The following NRG3 variants were observed in gnomAD, a reference collection of about 807,000 sequenced individuals.
NRG3 encodes pro-neuregulin-3, membrane-bound isoform.
A neutral mutation model predicts 66.9 loss-of-function variants in NRG3; 31 were observed. That is an observed-to-expected ratio of 0.46 (90% CI 0.35 to 0.63). The LOEUF is 0.63. Ranked by LOEUF, NRG3 falls within the 20% of genes least tolerant of loss-of-function variation. NRG3 has a pLI of 0.00. For synonymous variants in NRG3, 393 were observed against 359.4 expected, an observed-to-expected ratio of 1.09 and a Z score of -1.06; for missense variants, 910 against 878.9, an observed-to-expected ratio of 1.04 and a Z score of -0.45.
At chr10:82,716,568 C>T (rs1483299045) in intron 2 of NRG3, among the ~76,000 whole-genome samples, 1 of 152,128 alleles carries the variant, frequency 6.6e-6, no homozygotes, top group African/African-American at 2.4e-5. Context: ...GTACGGTGCC[C>T]TGCTGATAAG....
rs1491292454 is a variant in NRG3 at position 82,707,567 on chromosome 10, TTG to T, written c.954-31008_954-31007del. ...ATCACTCCTGGTTAATTGTTTGTTTTTGTTTTTGTAGAGACAGGGACTTACTC... is the reference window on the plus strand; with the variant it reads ...ATCACTCCTGGTTAATTGTTTGTTTTTTTTTGTAGAGACAGGGACTTACTC... On this transcript the variant is annotated intron_variant, in intron 2 of 8. Transcript: ENST00000372141. Among the ~76,000 whole-genome samples the T allele has an allele frequency of 0.014, 671 of 47,792 alleles. 1 individual carries two copies. The East Asian group carries it at 0.22, about 16-fold the overall frequency. 31.4% of individuals were successfully genotyped at this position (47,792 alleles called of 152,430 possible). A position where few individuals can be genotyped will look rare whatever the true frequency, so the allele number is the denominator to read the frequency against.
At chr10:82,820,241 A>G (rs929709426) in intron 3 of NRG3, among the ~76,000 whole-genome samples, 1 of 152,210 alleles carries the variant, frequency 6.6e-6, no homozygotes, top group African/African-American at 2.4e-5. Flanking sequence ...AACTTTTAAC[A>G]CTTAGCTGTC....
At chr10:82,082,417 C>A (rs1355359325) in intron 1 of NRG3, among the ~76,000 whole-genome samples, 2 of 152,096 alleles carry the variant, frequency 1.3e-5, no homozygotes, top group Admixed American at 6.5e-5. Context: ...TAGTCAATTG[C>A]CAGCTAGTGA....
intron 1 of NRG3, among the ~76,000 whole-genome samples, chr10:82,162,708 G>A (rs1176431978): frequency 6.6e-6 from 1 of 152,088 alleles, no homozygotes; most frequent in Non-Finnish European, 1.5e-5. Flanking sequence ...AGACAGCAAC[G>A]GAGATATGTA....
rs112916447 is a variant in NRG3 at position 82,785,490 on chromosome 10, T to G, written c.1027+46840T>G. 2.9e-3 allele frequency among the ~76,000 whole-genome samples: 435 copies of G among 152,218 alleles called. 2 individuals are homozygous for G. Among genetic ancestry groups the G allele is most frequent in the African/African-American group, 9.9e-3 (411 of 41,564 alleles). On this transcript the variant is annotated intron_variant, in intron 3 of 8. Coordinates refer to ENST00000372141, the MANE Select transcript of NRG3 (RefSeq NM_001010848.4). Reference sequence around the variant, plus strand: ...AGAGTATTGGTAGAAATTTAAACAGTAAAGGCTACTCTGACAAGGTCTTAG... The same window carrying G: ...AGAGTATTGGTAGAAATTTAAACAGGAAAGGCTACTCTGACAAGGTCTTAG...
At chr10:82,232,912 C>T (rs939946400) in intron 1 of NRG3, 2 of 698,608 alleles carry the variant, frequency 2.9e-6, no homozygotes, top group East Asian at 5.4e-5. Context: ...AATAATTTCT[C>T]CAGAATTTGG....
intron 1 of NRG3, among the ~76,000 whole-genome samples, chr10:81,970,216 T>C (rs1463964731): frequency 1.3e-5 from 2 of 152,160 alleles, no homozygotes; most frequent in African/African-American, 4.8e-5. Flanking sequence ...AGGAAGGAAG[T>C]GCTGTTATTT....
At chr10:82,767,953 G>A (rs1375413242) in intron 3 of NRG3, among the ~76,000 whole-genome samples, 4 of 151,738 alleles carry the variant, frequency 2.6e-5, no homozygotes, top group East Asian at 1.9e-4. Context: ...AGAACTCTGC[G>A]TATGTCCATA....
At chr10:82,107,481 G>T (rs1340198707) in intron 1 of NRG3, among the ~76,000 whole-genome samples, 1 of 151,810 alleles carries the variant, frequency 6.6e-6, no homozygotes, top group African/African-American at 2.4e-5. Context: ...CCAATTTCTG[G>T]GTACTCTCCA....
At chr10:82,376,493 A>G (rs770055669) in intron 2 of NRG3, among the ~76,000 whole-genome samples, 5 of 152,186 alleles carry the variant, frequency 3.3e-5, no homozygotes, top group African/African-American at 9.6e-5. Flanking sequence ...TCACTTTACC[A>G]TAACCAGTAG....
At chr10:82,851,808 G>T (rs2063574046) in intron 3 of NRG3, among the ~76,000 whole-genome samples, 1 of 152,108 alleles carries the variant, frequency 6.6e-6, no homozygotes, top group African/African-American at 2.4e-5. Context: ...ATGATATAAA[G>T]AAAAATTAAG....
chr10:82,861,739 C>A (rs1404392977), intron 3 of NRG3, among the ~76,000 whole-genome samples: 1 of 152,158 alleles, frequency 6.6e-6, no homozygotes, highest in South Asian at 2.1e-4. Context: ...CTTGTTCAAA[C>A]AGGCTGTATC....
At chr10:81,897,176 G>C (rs1843605542) in intron 1 of NRG3, among the ~76,000 whole-genome samples, 1 of 152,194 alleles carries the variant, frequency 6.6e-6, no homozygotes, top group African/African-American at 2.4e-5. Flanking sequence ...CAGCGTGCCT[G>C]AGCATAATAA....
chr10:82,348,126 AT>A (rs199659477), intron 1 of NRG3, among the ~76,000 whole-genome samples: 5,632 of 151,768 alleles, frequency 0.037, 159 homozygotes, highest in African/African-American at 0.085. Context: ...TTAGCTGGTT[AT>A]TTTGCTCGTT....
intron 1 of NRG3, among the ~76,000 whole-genome samples, chr10:82,321,301 T>TGGGG (rs373044749): frequency 0.016 from 2,161 of 137,338 alleles, 36 homozygotes; most frequent in East Asian, 0.037. Flanking sequence ...GTGGCAGGGG[T>TGGGG]GGGGGTGGGG....
chr10:82,980,944 T>C (rs1041638352), intron 8 of NRG3, among the ~76,000 whole-genome samples: 3 of 152,210 alleles, frequency 2.0e-5, no homozygotes, highest in East Asian at 3.9e-4. Flanking sequence ...TTAGTGAATA[T>C]GACTATATAC....
chr10:82,206,496 G>T (rs1270447478), intron 1 of NRG3, among the ~76,000 whole-genome samples: 1 of 152,154 alleles, frequency 6.6e-6, no homozygotes, highest in African/African-American at 2.4e-5. Context: ...CTGGAAGTGA[G>T]CATGTTGCAG....
chr10:82,689,895 CT>C (rs1301985809), intron 2 of NRG3, among the ~76,000 whole-genome samples: 1 of 152,028 alleles, frequency 6.6e-6, no homozygotes, highest in Non-Finnish European at 1.5e-5. Context: ...TTCATTCTTG[CT>C]TGGGGAAATC....
intron 2 of NRG3, among the ~76,000 whole-genome samples, chr10:82,372,944 C>G (rs141773237): frequency 1.8e-4 from 28 of 152,264 alleles, no homozygotes; most frequent in African/African-American, 6.5e-4. Flanking sequence ...TAAAATTTTC[C>G]TAAAGAATTA....
Sources: allele counts gnomAD v4.1 joint callset (sites outside exome capture counted in the v4.1 genomes callset), GRCh38; gene constraint gnomAD v4.1.1; transcripts MANE v1.5; gene names NCBI Gene and HGNC (gene_info 2026-07-23, HGNC 2026-07-21).